The following KAT6B variants were observed in gnomAD, a reference collection of about 807,000 sequenced individuals.
KAT6B encodes lysine acetyltransferase 6B.
A neutral mutation model predicts 187.5 loss-of-function variants in KAT6B; 10 were observed. That is an observed-to-expected ratio of 0.05 (90% CI 0.03 to 0.09). The LOEUF is 0.09. Ranked by LOEUF, KAT6B falls within the 10% of genes least tolerant of loss-of-function variation. KAT6B has a pLI of 1.00. For synonymous variants in KAT6B, 861 were observed against 926.8 expected, an observed-to-expected ratio of 0.93 and a Z score of 1.29; for missense variants, 1,952 against 2,558.9, an observed-to-expected ratio of 0.76 and a Z score of 5.12.
intron 3 of KAT6B, among the ~76,000 whole-genome samples, chr10:74,942,051 G>C (rs1849703758): frequency 6.6e-6 from 1 of 152,202 alleles, no homozygotes; most frequent in African/African-American, 2.4e-5. Flanking sequence ...TCAGGAGGCT[G>C]AGGCAAGAGA....
At chr10:75,008,969 C>T (rs563786403) in intron 13 of KAT6B, among the ~76,000 whole-genome samples, 2 of 152,284 alleles carry the variant, frequency 1.3e-5, no homozygotes, top group South Asian at 4.1e-4. Flanking sequence ...TCTCCATTCT[C>T]CTGCAAAACT....
chr10:74,972,679 G>A (rs1841924504), intron 7 of KAT6B, 40 bp downstream of exon 7: 1 of 1,571,932 alleles, frequency 6.4e-7, no homozygotes. Flanking sequence ...TTTATGTTTT[G>A]CTTTAAAATA....
At chr10:74,984,051 A>G (rs896599589) in intron 11 of KAT6B, 1 of 152,012 alleles carries the variant, frequency 6.6e-6, no homozygotes, top group Non-Finnish European at 1.5e-5. Flanking sequence ...CCTTTTTGTA[A>G]TATACTACCA....
chr10:74,912,375 G>GGATGGATAGATAGATAGATA (rs1554825627), intron 3 of KAT6B, among the ~76,000 whole-genome samples: 8 of 145,644 alleles, frequency 5.5e-5, no homozygotes, highest in African/African-American at 1.8e-4. Flanking sequence ...ATGGATGGAT[G>GGATGGATAGATAGATAGATA]GATAGATAGA....
chr10:74,918,448 A>C (rs2133025404), intron 3 of KAT6B, among the ~76,000 whole-genome samples: 1 of 152,334 alleles, frequency 6.6e-6, no homozygotes. Context: ...TTGAAGGAGT[A>C]AAAGAATTTC....
intron 3 of KAT6B, among the ~76,000 whole-genome samples, chr10:74,957,144 CATA>C (rs1338022799): frequency 6.6e-6 from 1 of 152,142 alleles, no homozygotes; most frequent in Non-Finnish European, 1.5e-5. Context: ...AACAGTGAAT[CATA>C]ATAATCCTGT....
intron 3 of KAT6B, among the ~76,000 whole-genome samples, chr10:74,931,370 C>CT (rs11404575): frequency 0.28 from 42,697 of 151,976 alleles, 10,202 homozygotes; most frequent in African/African-American, 0.64. Flanking sequence ...ACTGAAATCT[C>CT]TGTCAGTCTC....
At chr10:74,921,378 T>C (rs1000546124) in intron 3 of KAT6B, among the ~76,000 whole-genome samples, 51 of 152,110 alleles carry the variant, frequency 3.4e-4, no homozygotes, top group Admixed American at 2.8e-3. Flanking sequence ...ACTCCCAAAG[T>C]GCTGGGATTA....
At chr10:74,890,436 T>C (rs1286090056) in intron 3 of KAT6B, among the ~76,000 whole-genome samples, 1 of 152,098 alleles carries the variant, frequency 6.6e-6, no homozygotes, top group East Asian at 1.9e-4. Flanking sequence ...GCTAGGAGTT[T>C]GAGACCAGCC....
intron 3 of KAT6B, among the ~76,000 whole-genome samples, chr10:74,933,174 G>C (rs1457348750): frequency 6.6e-6 from 1 of 152,126 alleles, no homozygotes; most frequent in African/African-American, 2.4e-5. Flanking sequence ...AACTTTTGTA[G>C]CATTATGTAT....
intron 3 of KAT6B, among the ~76,000 whole-genome samples, chr10:74,943,453 T>C (rs1849843035): frequency 6.6e-6 from 1 of 152,124 alleles, no homozygotes; most frequent in Non-Finnish European, 1.5e-5. Context: ...TTCCTAAAAA[T>C]TGGGACGTTG....
intron 3 of KAT6B, among the ~76,000 whole-genome samples, chr10:74,934,907 C>T (rs1473063821): frequency 6.6e-6 from 1 of 152,146 alleles, no homozygotes; most frequent in Admixed American, 6.6e-5. Context: ...CCAAAATGAC[C>T]CTTGCTCTTG....
intron 3 of KAT6B, among the ~76,000 whole-genome samples, chr10:74,917,046 A>C (rs934971646): frequency 2.6e-5 from 4 of 152,214 alleles, no homozygotes; most frequent in Non-Finnish European, 5.9e-5. Flanking sequence ...TGGAGGCTGC[A>C]GTGAACTGAG....
chr10:75,018,636 G>T (rs777256907), intron 13 of KAT6B, among the ~76,000 whole-genome samples: 1 of 152,132 alleles, frequency 6.6e-6, no homozygotes, highest in Non-Finnish European at 1.5e-5. Flanking sequence ...GGGTAAGCTG[G>T]CCCATCATAG....
At chr10:75,023,127 G>T (rs927733921) in intron 16 of KAT6B, among the ~76,000 whole-genome samples, 1 of 152,172 alleles carries the variant, frequency 6.6e-6, no homozygotes, top group African/African-American at 2.4e-5. Context: ...ATCTCCAATG[G>T]TACAGAAAGT....
intron 11 of KAT6B, 58 bp from the exon 12 acceptor site, chr10:74,985,022 A>G (rs1030918794): frequency 6.8e-7 from 1 of 1,475,810 alleles, no homozygotes; most frequent in Non-Finnish European, 9.5e-7. Flanking sequence ...TAGAAGAAAC[A>G]ATTTTATATG....
rs186950772 is a variant in KAT6B, at chr10:75,004,316, G to T, written c.2629+15204G>T. Among the ~76,000 whole-genome samples, 67 of 152,300 alleles carry T rather than the reference G, an allele frequency of 4.4e-4. No homozygotes were observed. In the East Asian group the frequency reaches 0.013, roughly 28 times the overall value. On this transcript the variant is annotated intron_variant, in intron 13 of 17. Coordinates refer to ENST00000287239, the MANE Select transcript of KAT6B (RefSeq NM_012330.4). ...GAGGATACAGAATAAAGGATTGTTG[G>T]GGGAAATCAATGAATGCCTGAGTCT...
At chr10:74,841,801 G>T (rs1201540040) in intron 2 of KAT6B, among the ~76,000 whole-genome samples, 1 of 152,172 alleles carries the variant, frequency 6.6e-6, no homozygotes, top group Non-Finnish European at 1.5e-5. Context: ...CCAATTCCCA[G>T]GCCAAGGCTC....
intron 10 of KAT6B, among the ~76,000 whole-genome samples, chr10:74,980,573 G>A (rs936322998): frequency 6.6e-6 from 1 of 152,200 alleles, no homozygotes; most frequent in African/African-American, 2.4e-5. Context: ...GATAAGCCAT[G>A]TGCTCTGAAA....
Sources: allele counts gnomAD v4.1 joint callset (sites outside exome capture counted in the v4.1 genomes callset), GRCh38; gene constraint gnomAD v4.1.1; transcripts MANE v1.5; gene names NCBI Gene and HGNC (gene_info 2026-07-23, HGNC 2026-07-21).